Variants in GPHN observed in about 807,000 individuals in gnomAD.
GPHN encodes the protein gephyrin.
GPHN carries 17 observed loss-of-function variants against 95.5 expected under a neutral mutation model. The observed-to-expected ratio is 0.18, with a 90% CI of 0.12 to 0.27. GPHN has a LOEUF of 0.27. Ranked by LOEUF, GPHN falls within the 10% of genes least tolerant of loss-of-function variation. The pLI, the probability that GPHN is intolerant of heterozygous loss-of-function variation, is 1.00. For synonymous variants in GPHN, 320 were observed against 322.5 expected (o/e 0.99, Z 0.08); for missense variants, 660 against 978.1 (o/e 0.67, Z 4.34).
chr14:67,488,329 G>A, the GPHN span, among the ~76,000 whole-genome samples: 2 of 152,242 alleles, frequency 1.3e-5, no homozygotes, highest in African/African-American at 4.8e-5. Context: ...TGAAAGGGCA[G>A]GAGTGGGGGA....
chr14:66,600,344 C>G (rs2140828005), intron 1 of GPHN, among the ~76,000 whole-genome samples: 1 of 152,058 alleles, frequency 6.6e-6, no homozygotes, highest in South Asian at 2.1e-4. Flanking sequence ...GTTAATAGTT[C>G]CTTAGCTCTT....
intron 8 of GPHN, among the ~76,000 whole-genome samples, chr14:66,934,869 A>G (rs1467179989): frequency 6.6e-6 from 1 of 152,222 alleles, no homozygotes; most frequent in Admixed American, 6.5e-5. Context: ...CCATAACTAA[A>G]AAGTATCTTA....
At chr14:67,368,169 T>A in the GPHN span, among the ~76,000 whole-genome samples, 2 of 152,170 alleles carry the variant, frequency 1.3e-5, no homozygotes, top group African/African-American at 4.8e-5. Context: ...GTCAGAGCTT[T>A]TGTTGGAGTT....
intron 12 of GPHN, among the ~76,000 whole-genome samples, chr14:67,091,045 C>T (rs1382119690): frequency 1.3e-5 from 2 of 151,166 alleles, no homozygotes; most frequent in Non-Finnish European, 3.0e-5. Flanking sequence ...ATTATAAATA[C>T]ATTTTCTTAA....
chr14:67,553,980 A>G, the GPHN span, among the ~76,000 whole-genome samples: 4 of 152,166 alleles, frequency 2.6e-5, no homozygotes, highest in Non-Finnish European at 4.4e-5. Context: ...GGCCCTATCC[A>G]TGGGAGCACC....
At chr14:67,087,125 T>C (rs1325540185) in intron 11 of GPHN, among the ~76,000 whole-genome samples, 1 of 151,924 alleles carries the variant, frequency 6.6e-6, no homozygotes, top group Non-Finnish European at 1.5e-5. Flanking sequence ...TAAGTGAGAT[T>C]ATATATGTGA....
intron 9 of GPHN, among the ~76,000 whole-genome samples, chr14:67,019,806 A>G (rs1209380553): frequency 6.6e-6 from 1 of 152,128 alleles, no homozygotes; most frequent in East Asian, 1.9e-4. Context: ...GCTCGTAGCT[A>G]CTGCAGCATT....
the GPHN span, among the ~76,000 whole-genome samples, chr14:67,680,581 C>T: frequency 2.0e-5 from 3 of 152,134 alleles, no homozygotes; most frequent in Non-Finnish European, 4.4e-5. Context: ...ATCTCAGCCT[C>T]CCAAGTAGCC....
chr14:66,727,821 G>A (rs970938898), intron 2 of GPHN, among the ~76,000 whole-genome samples: 1 of 152,214 alleles, frequency 6.6e-6, no homozygotes, highest in African/African-American at 2.4e-5. Context: ...CCCATTTTCT[G>A]AGGAGAAATT....
At chr14:67,112,750 GA>G (rs576207892) in intron 15 of GPHN, among the ~76,000 whole-genome samples, 14 of 151,984 alleles carry the variant, frequency 9.2e-5, no homozygotes, top group East Asian at 5.8e-4. Context: ...AGGTACTCAT[GA>G]AAAAAAATTT....
chr14:67,651,013 A>C, the GPHN span: 1 of 1,281,868 alleles, frequency 7.8e-7, no homozygotes, highest in Non-Finnish European at 1.1e-6. Context: ...GTCTGGGTCA[A>C]TACTGCCTTA....
At chr14:66,968,762 G>A (rs1351276097) in intron 9 of GPHN, among the ~76,000 whole-genome samples, 1 of 152,076 alleles carries the variant, frequency 6.6e-6, no homozygotes, top group Non-Finnish European at 1.5e-5. Flanking sequence ...TTGCCTGGTA[G>A]TAGAATAGCA....
the GPHN span, chr14:67,345,982 C>T: frequency 1.3e-5 from 9 of 696,228 alleles, no homozygotes; most frequent in Non-Finnish European, 1.7e-5. Flanking sequence ...GATGAATTCA[C>T]TAATCTTCAT....
At chr14:66,561,975 G>A (rs549255609) in intron 1 of GPHN, among the ~76,000 whole-genome samples, 92 of 152,138 alleles carry the variant, frequency 6.0e-4, no homozygotes, top group African/African-American at 2.1e-3. Flanking sequence ...ACAATGATGG[G>A]TTGAGTCCTT....
chr14:67,169,537 A>G lies in GPHN; in HGVS notation c.2079+501A>G, dbSNP rs561701338. ...CCATATTGTTTAGAAGAGAACTGCT[A>G]AGGCTGAGAAATATACCATGGTAAA... On this transcript the variant is annotated intron_variant, in intron 21 of 22. Transcript: ENST00000478722. 3.2e-4 allele frequency among the ~76,000 whole-genome samples: 48 copies of G among 152,354 alleles called. No homozygotes were observed. The South Asian group carries it at 9.7e-3, about 31-fold the overall frequency.
chr14:66,996,175 A>G (rs1380719255), intron 9 of GPHN: 11 of 1,532,942 alleles, frequency 7.2e-6, no homozygotes, highest in Non-Finnish European at 9.6e-6. Flanking sequence ...CTGCAAAACC[A>G]GGCTCGGCTT....
intron 21 of GPHN, among the ~76,000 whole-genome samples, chr14:67,175,339 T>C (rs1282806096): frequency 2.6e-5 from 4 of 152,240 alleles, no homozygotes; most frequent in Non-Finnish European, 5.9e-5. Flanking sequence ...TAGGGAATCC[T>C]TTCCCTGTTG....
chr14:67,491,836 T>C, the GPHN span, among the ~76,000 whole-genome samples: 1 of 152,216 alleles, frequency 6.6e-6, no homozygotes, highest in African/African-American at 2.4e-5. Flanking sequence ...CCAGATTCCC[T>C]GAGGGGAAAG....
At chr14:67,000,848 A>G (rs2072167605) in intron 9 of GPHN, among the ~76,000 whole-genome samples, 1 of 151,706 alleles carries the variant, frequency 6.6e-6, no homozygotes, top group Non-Finnish European at 1.5e-5. Context: ...TATCCATCTA[A>G]TTAAAGCATT....
Sources: allele counts gnomAD v4.1 joint callset (sites outside exome capture counted in the v4.1 genomes callset), GRCh38; gene constraint gnomAD v4.1.1; transcripts MANE v1.5; gene names NCBI Gene and HGNC (gene_info 2026-07-23, HGNC 2026-07-21).